Variants in VPS13D observed in about 807,000 individuals in gnomAD.
VPS13D encodes vacuolar protein sorting 13 homolog D, also known as intermembrane lipid transfer protein VPS13D.
A neutral mutation model predicts 461.9 loss-of-function variants in VPS13D; 187 were observed. The ratio of observed to expected loss-of-function variants is 0.40; its 90% confidence interval spans 0.36 to 0.46. The LOEUF is 0.46. Ranked by LOEUF, VPS13D falls within the 20% of genes least tolerant of loss-of-function variation. The pLI is 0.60. For missense variants in VPS13D, 4,711 were observed against 5,364.9 expected (o/e 0.88, Z 3.81); for synonymous variants, 1,951 against 1,986.3 (o/e 0.98, Z 0.47).
intron 30 of VPS13D, 47 bp downstream of exon 30, chr1:12,314,374 C>T: frequency 6.3e-7 from 1 of 1,577,860 alleles, no homozygotes; most frequent in Non-Finnish European, 8.7e-7. Context: ...GAGACATTCC[C>T]TTTTGGGTCA....
chr1:12,447,911 T>C (rs1354892581), intron 65 of VPS13D, among the ~76,000 whole-genome samples: 1 of 152,202 alleles, frequency 6.6e-6, no homozygotes, highest in Non-Finnish European at 1.5e-5. Flanking sequence ...CTTTCCTTTG[T>C]TCCAGAATGG....
At chr1:12,483,956 C>T (rs888985146) in intron 67 of VPS13D, among the ~76,000 whole-genome samples, 1 of 151,078 alleles carries the variant, frequency 6.6e-6, no homozygotes, top group East Asian at 2.0e-4. Flanking sequence ...CGAGATGGTG[C>T]CACTGCACTC....
In VPS13D at chr1:12,308,413, T is replaced by C; in HGVS notation, c.6440-18T>C. 3 of 1,613,982 alleles carry C rather than the reference T, an allele frequency of 1.9e-6. No homozygotes were observed. The highest frequency in any genetic ancestry group is 2.5e-6 in the Non-Finnish European group (3 of 1,179,922). ...GTCCCCTTTTCTTCATTACCTCTCTTTCCTTGGGTCCTTGTAGAAGACCAT... is the reference window on the plus strand; with the variant it reads ...GTCCCCTTTTCTTCATTACCTCTCTCTCCTTGGGTCCTTGTAGAAGACCAT... On this transcript the variant is annotated intron_variant, in intron 26 of 69. Transcript: ENST00000620676.
intron 67 of VPS13D, among the ~76,000 whole-genome samples, chr1:12,479,933 A>G (rs988911108): frequency 1.3e-5 from 2 of 152,178 alleles, no homozygotes; most frequent in African/African-American, 4.8e-5. Context: ...TAACACAGAG[A>G]CAGTGTGAGG....
chr1:12,358,813 T>C (rs1312974028), intron 50 of VPS13D, among the ~76,000 whole-genome samples: 1 of 152,182 alleles, frequency 6.6e-6, no homozygotes, highest in Non-Finnish European at 1.5e-5. Flanking sequence ...CACTGCCCTT[T>C]TGAGGTCTGT....
In VPS13D at chr1:12,257,938, C is replaced by T. The variant is rs752469975; in HGVS notation, c.945C>T (p.Cys315=). Residue 315 remains cysteine (C), a synonymous_variant, in exon 10 of 70, where the codon TGC becomes TGT. Coordinates refer to ENST00000620676, the MANE Select transcript of VPS13D (RefSeq NM_015378.4). ...ACATCGTTATGGACTATTTCAGCTG[C>T]CGAGAATGGTGGTATTTTGCTTTGA... The part of the protein sequence containing the change: ...WKPKVAISKN[C]REWWYFALNA... 1.1e-5 allele frequency: 18 copies of T among 1,613,998 alleles called. No homozygotes were observed. The highest frequency in any genetic ancestry group is 1.4e-5 in the Non-Finnish European group (17 of 1,180,026).
chr1:12,432,569 C>G (rs1645005938), intron 65 of VPS13D, among the ~76,000 whole-genome samples: 1 of 151,620 alleles, frequency 6.6e-6, no homozygotes, highest in Non-Finnish European at 1.5e-5. Context: ...GTTATGAGAA[C>G]ACTTTGATCT....
chr1:12,240,319 G>T (rs920070383), intron 2 of VPS13D, among the ~76,000 whole-genome samples: 9 of 152,132 alleles, frequency 5.9e-5, no homozygotes, highest in Non-Finnish European at 8.8e-5. Context: ...TTCGGGCTGG[G>T]TGCGGTGGCT....
At chr1:12,369,839 T>A (rs1644092203) in intron 54 of VPS13D, 137 bp downstream of exon 54, 2 of 798,740 alleles carry the variant, frequency 2.5e-6, no homozygotes, top group Non-Finnish European at 3.9e-6. Context: ...CTGGGCTCAG[T>A]GTCTATCTTA....
At chr1:12,275,607 G>A (rs867957944) in intron 18 of VPS13D, among the ~76,000 whole-genome samples, 12 of 152,004 alleles carry the variant, frequency 7.9e-5, no homozygotes, top group African/African-American at 2.7e-4. Context: ...AGCTTTTTTC[G>A]TGTCCATACT....
At chr1:12,500,271 ATAT>A (rs1240733003) in intron 68 of VPS13D, 20 of 961,876 alleles carry the variant, frequency 2.1e-5, no homozygotes, top group Non-Finnish European at 2.5e-5. Flanking sequence ...AATTAATCAT[ATAT>A]TCCTCTGATA....
chr1:12,385,657 T>G (rs1231139079), intron 59 of VPS13D, among the ~76,000 whole-genome samples: 1 of 152,236 alleles, frequency 6.6e-6, no homozygotes, highest in Non-Finnish European at 1.5e-5. Flanking sequence ...CAATTTTTTG[T>G]TTTTTGCTTC....
At chr1:12,341,942 C>A in intron 41 of VPS13D, 57 bp downstream of exon 41, 1 of 1,560,702 alleles carries the variant, frequency 6.4e-7, no homozygotes, top group Non-Finnish European at 8.8e-7. Flanking sequence ...CCTTCTTGTG[C>A]CAGCCCAGTA....
At position 12,497,618 on chromosome 1, in the gene VPS13D, A is replaced by G. The variant is rs754418129; in HGVS notation, c.12781A>G (p.Ile4261Val). The G allele has an allele frequency of 3.1e-6, 5 of 1,613,394 alleles. No homozygotes were observed. Among genetic ancestry groups the G allele is most frequent in the East Asian group, 2.2e-5 (1 of 44,866 alleles). Residue 4261 changes from isoleucine (I) to valine (V), a missense_variant, in exon 68 of 70, where the codon ATA becomes GTA. By Grantham distance (29) the Ile-to-Val change is conservative. Coordinates refer to ENST00000620676, the MANE Select transcript of VPS13D (RefSeq NM_015378.4). The stretch of plus-strand genomic sequence containing the variant: ...GCAGCTCTTCAAACTCACAGACAAC[A>G]TACAGGACGAATTGTAAGTTAGAGC... ...QEQLFKLTDN[I>V]QDEFFIAVEN...
intron 54 of VPS13D, among the ~76,000 whole-genome samples, chr1:12,371,834 A>T (rs1052588580): frequency 6.6e-6 from 1 of 152,194 alleles, no homozygotes; most frequent in Non-Finnish European, 1.5e-5. Flanking sequence ...TGCTATGAAC[A>T]TGCCTGTACA....
intron 6 of VPS13D, among the ~76,000 whole-genome samples, chr1:12,252,788 CAA>C (rs1048873458): frequency 6.5e-5 from 9 of 138,140 alleles, no homozygotes; most frequent in Non-Finnish European, 1.3e-4. Flanking sequence ...AAAAAAAAAA[CAA>C]GAGAAGAAAA....
intron 6 of VPS13D, among the ~76,000 whole-genome samples, chr1:12,253,466 T>A (rs1640807861): frequency 6.6e-6 from 1 of 152,226 alleles, no homozygotes; most frequent in East Asian, 1.9e-4. Flanking sequence ...GACGTTTTCT[T>A]GTTTGCTCAT....
chr1:12,425,658 T>C (rs1353917055), intron 65 of VPS13D, among the ~76,000 whole-genome samples: 1 of 150,564 alleles, frequency 6.6e-6, no homozygotes, highest in Non-Finnish European at 1.5e-5. Flanking sequence ...CCCTATGCTC[T>C]CTCATGTAAC....
In VPS13D at chr1:12,321,968, A is replaced by G. The variant is rs992535644; in HGVS notation, c.7704+4A>G. ...AGATTTCCCACCTGTCCTGGAGGTAATGATGCAAAATCTGTGCAATACGTT... is the reference window on the plus strand; with the variant it reads ...AGATTTCCCACCTGTCCTGGAGGTAGTGATGCAAAATCTGTGCAATACGTT... On this transcript the variant is annotated splice_donor_region_variant and intron_variant, in intron 33 of 69. Coordinates refer to ENST00000620676, the MANE Select transcript of VPS13D (RefSeq NM_015378.4). The G allele has an allele frequency of 6.2e-7, 1 of 1,613,256 alleles. No individual in the cohort carries two copies. The highest frequency in any genetic ancestry group is 8.5e-7 in the Non-Finnish European group (1 of 1,179,676).
Sources: allele counts gnomAD v4.1 joint callset (sites outside exome capture counted in the v4.1 genomes callset), GRCh38; gene constraint gnomAD v4.1.1; transcripts MANE v1.5; gene names NCBI Gene and HGNC (gene_info 2026-07-23, HGNC 2026-07-21).